Variants in EFEMP1 observed in about 807,000 individuals in gnomAD.
EFEMP1 encodes the protein EGF-like fibulin extracellular matrix protein 1, also known as EGF-containing fibulin-like extracellular matrix protein 1.
In EFEMP1, 18 loss-of-function variants were observed where a neutral mutation model predicts 65.7. The ratio of observed to expected loss-of-function variants is 0.27; its 90% CI spans 0.19 to 0.41. The LOEUF is 0.41. Among genes scored for constraint, EFEMP1 ranks in the 10% least tolerant of loss-of-function variants. EFEMP1 has a pLI of 1.00. For synonymous variants in EFEMP1, 237 were observed against 219.7 expected (o/e 1.08, Z -0.70); for missense variants, 469 against 624.8 (o/e 0.75, Z 2.66).
intron 5 of EFEMP1, among the ~76,000 whole-genome samples, chr2:55,911,167 A>G (rs1289985233): frequency 6.6e-6 from 1 of 152,174 alleles, no homozygotes; most frequent in African/African-American, 2.4e-5. Flanking sequence ...GATTGCATAC[A>G]TCATGTCCTT....
chr2:55,879,690 A>G (rs905377181), intron 6 of EFEMP1, among the ~76,000 whole-genome samples: 2 of 151,672 alleles, frequency 1.3e-5, no homozygotes, highest in African/African-American at 4.9e-5. Context: ...AGTGTATGGG[A>G]CACAGGGAGC....
intron 3 of EFEMP1, among the ~76,000 whole-genome samples, chr2:55,920,163 C>A (rs544051737): frequency 7.9e-5 from 12 of 152,222 alleles, no homozygotes; most frequent in Non-Finnish European, 1.5e-4. Context: ...TTATGCCACT[C>A]TCTGACTCAG....
chr2:55,917,683 C>T lies in EFEMP1; in HGVS notation c.499G>A (p.Glu167Lys). The T allele has an allele frequency of 6.2e-7, 1 of 1,614,180 alleles. No homozygotes were observed. Among genetic ancestry groups the T allele is most frequent in the Admixed American group, 1.7e-5 (1 of 60,022 alleles). ...TTCCTACCTTGGCACACGTTGTGTT[C>T]ACTTTGCTCGTAGCCTGCTGCACAC... ...IQCAAGYEQS[E>K]HNVCQDIDEC... Residue 167 changes from glutamate (E) to lysine (K), a missense_variant, in exon 5 of 12, where the codon GAA (glutamate) becomes AAA (lysine). Glu to Lys is a moderately conservative substitution (Grantham distance 56, BLOSUM62 1). Transcript: ENST00000355426. This position sits in a 1 kb window ranked among gnomAD's most constrained non-coding sequence, Gnocchi z 6.3.
intron 5 of EFEMP1, among the ~76,000 whole-genome samples, chr2:55,911,220 G>T (rs1670471009): frequency 6.6e-6 from 1 of 152,122 alleles, no homozygotes; most frequent in Non-Finnish European, 1.5e-5. Flanking sequence ...GGCCACCCAT[G>T]TTTAGGAATC....
At chr2:55,889,077 C>T (rs746873327) in intron 5 of EFEMP1, among the ~76,000 whole-genome samples, 5 of 134,068 alleles carry the variant, frequency 3.7e-5, no homozygotes, top group Non-Finnish European at 8.8e-5. Context: ...GGCCTCCCTC[C>T]CTGAGGCCTT....
intron 5 of EFEMP1, among the ~76,000 whole-genome samples, chr2:55,913,358 T>C (rs1053642904): frequency 1.3e-5 from 2 of 152,166 alleles, no homozygotes; most frequent in African/African-American, 4.8e-5. Context: ...ATAAGCCAGG[T>C]ACTGTACTCG....
At chr2:55,878,037 G>T (rs1669102563) in intron 6 of EFEMP1, among the ~76,000 whole-genome samples, 172 bp from the exon 7 acceptor site, 1 of 152,138 alleles carries the variant, frequency 6.6e-6, no homozygotes, top group Non-Finnish European at 1.5e-5. Context: ...TCTGAGTTAA[G>T]AAGTTAAGAA....
intron 5 of EFEMP1, among the ~76,000 whole-genome samples, chr2:55,896,495 C>T (rs1669836269): frequency 6.6e-6 from 1 of 152,184 alleles, no homozygotes; most frequent in Admixed American, 6.5e-5. Flanking sequence ...GCTAGTTTGA[C>T]TTCTGTAGCT....
chr2:55,895,808 C>G (rs6545530), intron 5 of EFEMP1, among the ~76,000 whole-genome samples: 1 of 151,618 alleles, frequency 6.6e-6, no homozygotes, highest in South Asian at 2.1e-4. Flanking sequence ...CCCAAAGTGC[C>G]GGGATTACAG....
rs56349733 is a variant in EFEMP1 at position 55,917,606 on chromosome 2, C to T, written c.517+59G>A. 417 of 1,609,122 alleles carry T rather than the reference C, an allele frequency of 2.6e-4. No individual in the cohort carries two copies. In the Middle Eastern group the frequency reaches 3.8e-3, roughly 15 times the overall value. On this transcript the variant is annotated intron_variant, in intron 5 of 11. Transcript: ENST00000355426. The surrounding 1 kb of genome is among the most constrained non-coding windows in gnomAD (Gnocchi z 6.3). The stretch of plus-strand genomic sequence containing the variant: ...GTCCTTAATAAATTATCATCATCCT[C>T]ACCACGAGGTGCACTTGGGCAAAAG...
At position 55,870,194 on chromosome 2, in the gene EFEMP1, T is replaced by C. The variant is rs1407952194; in HGVS notation, c.1320+526A>G. 1.3e-5 allele frequency among the ~76,000 whole-genome samples: 2 copies of C among 152,164 alleles called. No homozygotes were observed. Among genetic ancestry groups the C allele is most frequent in the African/African-American group, 4.8e-5 (2 of 41,436 alleles). ...TCACTTCTCACATACTTATAGGTTT[T>C]AGTTTCGGTGTGAACACAAACTGTC... On this transcript the variant is annotated intron_variant, in intron 11 of 11. Coordinates refer to ENST00000355426, the MANE Select transcript of EFEMP1 (RefSeq NM_001039348.3). This position sits in a 1 kb window ranked among gnomAD's most constrained non-coding sequence, Gnocchi z 5.8.
Position 55,917,936 on chromosome 2 carries a change from T to C in EFEMP1, c.246A>G (p.Glu82=), listed in dbSNP as rs35447389. 6,743 of 1,614,192 alleles carry C rather than the reference T, an allele frequency of 4.2e-3. 180 individuals are homozygous for C. The African/African-American group carries it at 0.068, about 16-fold the overall frequency. Residue 82 remains glutamate (E), a synonymous_variant, in exon 5 of 12, where the codon GAA becomes GAG. Transcript: ENST00000355426. This position sits in a 1 kb window ranked among gnomAD's most constrained non-coding sequence, Gnocchi z 6.3. ...CTGGTTGTGTTTCCTGCTGAGGCTG[T>C]TCATTATTGACAATAATCTGGGCTG... ...PKTAQIIVNN[E]QPQQETQPAE...
chr2:55,910,014 C>A (rs1670422299), intron 5 of EFEMP1, among the ~76,000 whole-genome samples: 1 of 152,152 alleles, frequency 6.6e-6, no homozygotes, highest in African/African-American at 2.4e-5. Flanking sequence ...TGCCTAGTTA[C>A]CCTGGATGGG....
chr2:55,879,274 C>T lies in EFEMP1; in HGVS notation c.641-1409G>A, dbSNP rs148395823. Among the ~76,000 whole-genome samples the T allele has an allele frequency of 2.0e-4, 30 of 152,214 alleles. No individual in the cohort carries two copies. In the East Asian group the frequency reaches 4.4e-3, roughly 23 times the overall value. On this transcript the variant is annotated intron_variant, in intron 6 of 11. Transcript: ENST00000355426. ...TAGTAGGTGTTCAATAAACATTATT[C>T]GAATAAATCGAAACTTCACACTAAT...
chr2:55,874,511 T>G (rs1304467303), intron 9 of EFEMP1, among the ~76,000 whole-genome samples: 1 of 152,092 alleles, frequency 6.6e-6, no homozygotes, highest in East Asian at 1.9e-4. Flanking sequence ...TAGGCTGACT[T>G]TTCTCAGCAC....
chr2:55,882,129 G>A (rs1669264985), intron 5 of EFEMP1, among the ~76,000 whole-genome samples: 1 of 151,964 alleles, frequency 6.6e-6, no homozygotes, highest in Non-Finnish European at 1.5e-5. Flanking sequence ...AGAACATATG[G>A]TATTGTTTTG....
chr2:55,921,064 G>A lies in EFEMP1; in HGVS notation c.81+1296C>T, dbSNP rs1472714714. 6.6e-6 allele frequency among the ~76,000 whole-genome samples: 1 copy of A among 152,308 alleles called. No homozygotes were observed. The highest frequency in any genetic ancestry group is 1.9e-4 in the East Asian group (1 of 5,188). The stretch of plus-strand genomic sequence containing the variant: ...GGTGATTAGCAAAGGGAAGGGCATA[G>A]AAGATAAGCAACTGGAAAAGAAGTA... On this transcript the variant is annotated intron_variant, in intron 3 of 11. Coordinates refer to ENST00000355426, the MANE Select transcript of EFEMP1 (RefSeq NM_001039348.3). This position sits in a 1 kb window ranked among gnomAD's most constrained non-coding sequence, Gnocchi z 4.1.
Position 55,922,260 on chromosome 2 carries a change from G to T in EFEMP1, c.81+100C>A. The T allele has an allele frequency of 9.3e-7, 1 of 1,075,016 alleles. No homozygotes were observed. Among genetic ancestry groups the T allele is most frequent in the Non-Finnish European group, 1.4e-6 (1 of 695,474 alleles). 66.6% of individuals were successfully genotyped at this position (1,075,016 alleles called of 1,614,324 possible). A position where few individuals can be genotyped will look rare whatever the true frequency, so the allele number is the denominator to read the frequency against. On this transcript the variant is annotated intron_variant, in intron 3 of 11. Transcript: ENST00000355426. The surrounding 1 kb of genome is among the most constrained non-coding windows in gnomAD (Gnocchi z 5.5). ...AGTGTTGTTTAATTTATCACCCTCA[G>T]CAGAGTATAGCCCAAATACACTGGC...
In EFEMP1 at chr2:55,870,838, C is replaced by G. The variant is rs775080680; in HGVS notation, c.1202G>C (p.Arg401Pro). ...GTCTGATGGCACAGACCTATCAGAT[C>G]GGATGCTCATGTATTTGTAGACTAT... Reference protein sequence around the residue: ...QSIVYKYMSIRSDRSVPSDIF... With the variant: ...QSIVYKYMSIPSDRSVPSDIF... The change falls in exon 11 of 12, where the codon CGA becomes CCA. Residue 401 changes from arginine to proline, a missense_variant. Physicochemically the swap from Arg to Pro is moderately radical, Grantham distance 103. Coordinates refer to ENST00000355426, the MANE Select transcript of EFEMP1 (RefSeq NM_001039348.3). This position sits in a 1 kb window ranked among gnomAD's most constrained non-coding sequence, Gnocchi z 5.8. 5 of 1,613,646 alleles carry G rather than the reference C, an allele frequency of 3.1e-6. No homozygotes were observed. The highest frequency in any genetic ancestry group is 1.3e-5 in the African/African-American group (1 of 74,884).
Sources: allele counts gnomAD v4.1 joint callset (sites outside exome capture counted in the v4.1 genomes callset), GRCh38; gene constraint gnomAD v4.1.1; non-coding constraint Gnocchi (gnomAD v3.1); transcripts MANE v1.5; gene names NCBI Gene and HGNC (gene_info 2026-07-23, HGNC 2026-07-21).